Variants in GRM7 observed in about 807,000 individuals in gnomAD.
The protein encoded by GRM7 is metabotropic glutamate receptor 7.
A neutral mutation model predicts 84.5 loss-of-function variants in GRM7; 35 were observed. The observed-to-expected ratio is 0.41, with a 90% CI of 0.32 to 0.55. GRM7 has a LOEUF of 0.55. Among genes scored for constraint, GRM7 ranks in the 20% least tolerant of loss-of-function variants. GRM7 has a pLI of 0.19. For missense variants in GRM7, 1,003 were observed against 1,194.6 expected (o/e 0.84, Z 2.36); for synonymous variants, 487 against 455.1 (o/e 1.07, Z -0.89).
At chr3:6,881,301 C>T (rs750837039) in intron 1 of GRM7, among the ~76,000 whole-genome samples, 2 of 152,050 alleles carry the variant, frequency 1.3e-5, no homozygotes, top group African/African-American at 2.4e-5. Context: ...CTCACTCCAC[C>T]CCCCAACAGT....
At chr3:7,085,903 G>A (rs1698440923) in intron 1 of GRM7, among the ~76,000 whole-genome samples, 1 of 152,058 alleles carries the variant, frequency 6.6e-6, no homozygotes, top group South Asian at 2.1e-4. Context: ...GAAAATTTGT[G>A]AATAGCTCTA....
chr3:7,302,803 T>G (rs2125027951), intron 3 of GRM7, among the ~76,000 whole-genome samples: 1 of 152,164 alleles, frequency 6.6e-6, no homozygotes, highest in South Asian at 2.1e-4. Flanking sequence ...TTTAAACCAG[T>G]TTCCCATTGC....
intron 7 of GRM7, among the ~76,000 whole-genome samples, chr3:7,552,895 A>G (rs1054946204): frequency 1.3e-5 from 2 of 152,234 alleles, no homozygotes; most frequent in Non-Finnish European, 2.9e-5. Context: ...CTAGTTACTT[A>G]TGCAAATTTC....
chr3:7,134,743 A>G (rs1364760825), intron 1 of GRM7, among the ~76,000 whole-genome samples: 1 of 152,182 alleles, frequency 6.6e-6, no homozygotes, highest in Admixed American at 6.5e-5. Context: ...ACCAAGAGAA[A>G]GGTACACATA....
At chr3:6,886,876 A>T (rs960767688) in intron 1 of GRM7, among the ~76,000 whole-genome samples, 4 of 152,010 alleles carry the variant, frequency 2.6e-5, no homozygotes, top group African/African-American at 9.7e-5. Context: ...ACACTATTTT[A>T]TATAGATATT....
Position 7,308,075 on chromosome 3 carries a change from G to C in GRM7, c.1033+1423G>C, listed in dbSNP as rs569707134. On this transcript the variant is annotated intron_variant, in intron 4 of 9. Coordinates refer to ENST00000357716, the MANE Select transcript of GRM7 (RefSeq NM_000844.4). ...GAGATACAGGGAAATGAAGGAACAG[G>C]ACACATTAGGGAAAATACAAATAAT... Among the ~76,000 whole-genome samples, 94 of 152,252 alleles carry C rather than the reference G, an allele frequency of 6.2e-4. 2 individuals are homozygous for C. The South Asian group carries it at 0.02, about 32-fold the overall frequency.
At chr3:7,164,515 C>CATG (rs1300837895) in intron 2 of GRM7, among the ~76,000 whole-genome samples, 1 of 152,238 alleles carries the variant, frequency 6.6e-6, no homozygotes, top group Non-Finnish European at 1.5e-5. Context: ...ATCTGTCCCA[C>CATG]ATGACATCCC....
chr3:7,119,546 T>A (rs1462525093), intron 1 of GRM7, among the ~76,000 whole-genome samples: 2 of 152,142 alleles, frequency 1.3e-5, no homozygotes, highest in Non-Finnish European at 2.9e-5. Flanking sequence ...TACTCGACAC[T>A]TTTCATCACT....
intron 8 of GRM7, among the ~76,000 whole-genome samples, chr3:7,636,844 C>A (rs3804858): frequency 2.0e-5 from 3 of 152,114 alleles, no homozygotes; most frequent in African/African-American, 4.8e-5. Context: ...AGCCCCATCT[C>A]GTGTTGCAGA....
chr3:6,874,552 GA>G (rs1367997495), intron 1 of GRM7, among the ~76,000 whole-genome samples: 1 of 152,076 alleles, frequency 6.6e-6, no homozygotes. Flanking sequence ...ACTCGGGTAG[GA>G]AAAATTCTTA....
chr3:7,354,469 T>C (rs963171783), intron 4 of GRM7, among the ~76,000 whole-genome samples: 3 of 152,124 alleles, frequency 2.0e-5, no homozygotes, highest in Non-Finnish European at 4.4e-5. Context: ...ATTGGTCACC[T>C]AACAGTGAGG....
At chr3:7,130,969 G>T (rs1693577390) in intron 1 of GRM7, among the ~76,000 whole-genome samples, 1 of 152,028 alleles carries the variant, frequency 6.6e-6, no homozygotes, top group Non-Finnish European at 1.5e-5. Flanking sequence ...ACGCACACAC[G>T]TGCGCAAGGA....
intron 7 of GRM7, among the ~76,000 whole-genome samples, chr3:7,511,851 A>G (rs886703761): frequency 1.8e-4 from 28 of 152,084 alleles, no homozygotes; most frequent in Admixed American, 1.4e-3. Flanking sequence ...ATTAAAAATG[A>G]CCATTTAGGG....
chr3:7,646,133 G>A (rs184945156), intron 8 of GRM7, among the ~76,000 whole-genome samples: 1 of 152,260 alleles, frequency 6.6e-6, no homozygotes, highest in East Asian at 1.9e-4. Flanking sequence ...GGTCACGCCG[G>A]TTTTTTCCCT....
intron 8 of GRM7, among the ~76,000 whole-genome samples, chr3:7,649,285 A>G (rs897716706): frequency 2.6e-5 from 4 of 151,952 alleles, no homozygotes; most frequent in Admixed American, 6.6e-5. Flanking sequence ...TAGCCAGGAT[A>G]GTCCCGATCT....
intron 1 of GRM7, among the ~76,000 whole-genome samples, chr3:7,092,108 A>G (rs186828363): frequency 2.0e-5 from 3 of 152,304 alleles, no homozygotes; most frequent in Middle Eastern, 3.4e-3. Flanking sequence ...TTCAGGGTTC[A>G]AGCCATTCTC....
intron 1 of GRM7, among the ~76,000 whole-genome samples, chr3:7,105,424 C>G (rs758578993): frequency 4.0e-5 from 6 of 151,838 alleles, no homozygotes; most frequent in Non-Finnish European, 5.9e-5. Flanking sequence ...CTTTAAGTCT[C>G]TCCTATAGAA....
At chr3:7,099,641 CA>C (rs1478318641) in intron 1 of GRM7, among the ~76,000 whole-genome samples, 27 of 117,988 alleles carry the variant, frequency 2.3e-4, no homozygotes, top group South Asian at 5.4e-4. Context: ...ACGCATTATA[CA>C]TGTGCACATA....
At chr3:7,000,828 T>C (rs1154360) in intron 1 of GRM7, among the ~76,000 whole-genome samples, 151,664 of 152,316 alleles carry the variant, frequency 1, 75,510 homozygotes, top group Middle Eastern at 1. Flanking sequence ...GTGTATGTCA[T>C]CTCTGCTCAC....
Sources: gnomAD v4.1 joint callset for allele counts (sites outside exome capture counted in the v4.1 genomes callset) on GRCh38, gnomAD v4.1.1 for gene constraint, MANE v1.5 for transcripts, NCBI Gene and HGNC (gene_info 2026-07-23, HGNC 2026-07-21) for gene names.